Variants in WDR72 observed in about 807,000 individuals in gnomAD.
WDR72 encodes the protein WD repeat domain 72, also known as WD repeat-containing protein 72.
In WDR72, 120 loss-of-function variants were observed where a neutral mutation model predicts 124.2. The ratio of observed to expected loss-of-function variants is 0.97; its 90% CI spans 0.83 to 1.12. The LOEUF is 1.12. WDR72 is among the 50% of genes most tolerant of loss of function. The pLI, the probability that WDR72 is intolerant of heterozygous loss-of-function variation, is 0.00. For synonymous variants in WDR72, 452 were observed against 441.7 expected (o/e 1.02, Z -0.29); for missense variants, 1,387 against 1,278.8 (o/e 1.08, Z -1.29).
Position 53,540,282 on chromosome 15 carries a change from G to A in WDR72, c.3149-16960C>T, listed in dbSNP as rs140007561. The stretch of plus-strand genomic sequence containing the variant: ...GTAGATGTAATAATCAAACTCTAAT[G>A]CCAATAGTAGACAGTACACCTTGTA... On this transcript the variant is annotated intron_variant, in intron 18 of 19. Coordinates refer to ENST00000360509, the MANE Select transcript of WDR72 (RefSeq NM_182758.4). 2.6e-3 allele frequency among the ~76,000 whole-genome samples: 398 copies of A among 152,258 alleles called. 5 individuals are homozygous for A. Among genetic ancestry groups the A allele is most frequent in the African/African-American group, 8.5e-3 (354 of 41,548 alleles).
At chr15:53,614,704 C>T (rs2013684550) in intron 15 of WDR72, among the ~76,000 whole-genome samples, 1 of 151,874 alleles carries the variant, frequency 6.6e-6, no homozygotes, top group Admixed American at 6.6e-5. Flanking sequence ...CATGATTAGA[C>T]CAATAAATCA....
chr15:53,567,688 AC>A (rs1486456836), intron 18 of WDR72, among the ~76,000 whole-genome samples: 5 of 152,024 alleles, frequency 3.3e-5, no homozygotes, highest in African/African-American at 9.6e-5. Context: ...GAATCTAAAC[AC>A]CTTTTTTATG....
At position 53,705,327 on chromosome 15, in the gene WDR72, T is replaced by C. The variant is rs575537237; in HGVS notation, c.1103-94A>G. The C allele has an allele frequency of 1.1e-4, 123 of 1,117,720 alleles. 1 individual carries two copies. In the African/African-American group the frequency reaches 1.5e-3, roughly 14 times the overall value. 69.2% of individuals were successfully genotyped at this position (1,117,720 alleles called of 1,614,324 possible). ...GGCACCCTCCCTTCAAAAATATGAA[T>C]ACAGTGTTACAGCCTATCCCAGATT... On this transcript the variant is annotated intron_variant, in intron 10 of 19. Transcript: ENST00000360509.
intron 13 of WDR72, among the ~76,000 whole-genome samples, chr15:53,668,896 C>A (rs1595833855): frequency 8.3e-6 from 1 of 119,792 alleles, no homozygotes; most frequent in Non-Finnish European, 1.7e-5. Context: ...CAAGGTGAGA[C>A]CTCGTCTCAA....
At chr15:53,567,389 T>C (rs891644299) in intron 18 of WDR72, among the ~76,000 whole-genome samples, 1 of 151,716 alleles carries the variant, frequency 6.6e-6, no homozygotes, top group Non-Finnish European at 1.5e-5. Flanking sequence ...CTCAAGAAGC[T>C]CCAACAGGCC....
At chr15:53,612,617 A>T (rs1030915794) in intron 16 of WDR72, among the ~76,000 whole-genome samples, 1 of 152,068 alleles carries the variant, frequency 6.6e-6, no homozygotes, top group East Asian at 1.9e-4. Flanking sequence ...GTGAGCACTA[A>T]GAGAGAAGGT....
chr15:53,522,050 G>C (rs1213480128), intron 19 of WDR72, among the ~76,000 whole-genome samples: 5 of 151,976 alleles, frequency 3.3e-5, no homozygotes, highest in African/African-American at 9.7e-5. Flanking sequence ...GTGTGGTTGA[G>C]AACAGGCACA....
At chr15:53,558,531 G>C (rs756808980) in intron 18 of WDR72, among the ~76,000 whole-genome samples, 9 of 151,956 alleles carry the variant, frequency 5.9e-5, no homozygotes, top group Non-Finnish European at 1.3e-4. Context: ...ATGGCTTAGG[G>C]GTGGAGTGAA....
At chr15:53,727,360 T>C (rs2018072269) in intron 2 of WDR72, among the ~76,000 whole-genome samples, 1 of 152,190 alleles carries the variant, frequency 6.6e-6, no homozygotes, top group South Asian at 2.1e-4. Context: ...ATGTAGATGG[T>C]AACTCAGCCA....
chr15:53,737,866 C>A (rs1042743199), intron 1 of WDR72, among the ~76,000 whole-genome samples: 1 of 151,912 alleles, frequency 6.6e-6, no homozygotes, highest in Non-Finnish European at 1.5e-5. Flanking sequence ...TCAATGAGAC[C>A]ACGCATACAA....
chr15:53,523,319 G>A lies in WDR72; in HGVS notation c.3152C>T (p.Pro1051Leu). The A allele has an allele frequency of 1.2e-6, 2 of 1,610,264 alleles. No homozygotes were observed. The highest frequency in any genetic ancestry group is 1.7e-6 in the Non-Finnish European group (2 of 1,178,714). ...GCTGTCATGCTTGACCGGGCTGACTGGAGCTATTAAAAGAGAGAGAGAGAG... is the reference window on the plus strand; with the variant it reads ...GCTGTCATGCTTGACCGGGCTGACTAGAGCTATTAAAAGAGAGAGAGAGAG... The part of the protein sequence containing the change: ...CVRNTLPLQT[P>L]VSPVKHDSNS... Residue 1051 changes from proline (P) to leucine (L), a missense_variant, in exon 19 of 20, where the codon CCA becomes CTA. Coordinates refer to ENST00000360509, the MANE Select transcript of WDR72 (RefSeq NM_182758.4).
At chr15:53,709,608 A>AAT (rs2017477321) in intron 9 of WDR72, among the ~76,000 whole-genome samples, 1 of 152,222 alleles carries the variant, frequency 6.6e-6, no homozygotes, top group African/African-American at 2.4e-5. Flanking sequence ...TCCTTTAAAA[A>AAT]ATAACTGAAT....
At chr15:53,629,191 C>CGA (rs5812700) in intron 14 of WDR72, among the ~76,000 whole-genome samples, 38,926 of 135,494 alleles carry the variant, frequency 0.29, 5,403 homozygotes, top group East Asian at 0.47. Context: ...AGAGAGACAG[C>CGA]GAGAGAGAGA....
chr15:53,701,462 G>A (rs1006330152), intron 12 of WDR72, among the ~76,000 whole-genome samples: 4 of 151,740 alleles, frequency 2.6e-5, no homozygotes, highest in Non-Finnish European at 5.9e-5. Flanking sequence ...GATCCCTGGA[G>A]CCCAGGAGGT....
chr15:53,711,447 G>A lies in WDR72; in HGVS notation c.746C>T (p.Thr249Ile). The A allele has an allele frequency of 6.2e-7, 1 of 1,614,028 alleles. No homozygotes were observed. Among genetic ancestry groups the A allele is most frequent in the Non-Finnish European group, 8.5e-7 (1 of 1,180,018 alleles). The change falls in exon 8 of 20, where the codon ACT becomes ATT. Residue 249 changes from threonine to isoleucine, a missense_variant. By Grantham distance (89) the Thr-to-Ile change is moderately conservative. Transcript: ENST00000360509. ...YDYCDFSLLL[T>I]EVSRNGQFFA... The stretch of plus-strand genomic sequence containing the variant: ...GAACTGCCCATTTCTACTAACTTCA[G>A]TCAGCAGAAGGGAAAAATCACAATA...
intron 13 of WDR72, among the ~76,000 whole-genome samples, chr15:53,677,560 G>C (rs2016218694): frequency 6.6e-6 from 1 of 152,150 alleles, no homozygotes; most frequent in Non-Finnish European, 1.5e-5. Flanking sequence ...TCTTTCCTGT[G>C]CTGTTCTCAT....
At chr15:53,665,154 G>T (rs953169650) in intron 14 of WDR72, among the ~76,000 whole-genome samples, 4 of 151,708 alleles carry the variant, frequency 2.6e-5, no homozygotes, top group African/African-American at 9.7e-5. Context: ...TACAGATATT[G>T]GTTATATCAA....
intron 11 of WDR72, among the ~76,000 whole-genome samples, chr15:53,703,602 G>A (rs752515436): frequency 6.6e-6 from 1 of 151,888 alleles, no homozygotes; most frequent in Non-Finnish European, 1.5e-5. Context: ...GTAGCACTCT[G>A]CTTGGCACTT....
Position 53,699,815 on chromosome 15 carries a change from G to T in WDR72, c.1700C>A (p.Pro567Gln), listed in dbSNP as rs748071632. The T allele has an allele frequency of 1.9e-6, 3 of 1,613,858 alleles. No homozygotes were observed. In the African/African-American group the frequency reaches 4.0e-5, roughly 22 times the overall value. The change falls in exon 13 of 20, where the codon CCG becomes CAG. Residue 567 changes from proline to glutamine, a missense_variant. Pro to Gln is a moderately conservative substitution (Grantham distance 76). Coordinates refer to ENST00000360509, the MANE Select transcript of WDR72 (RefSeq NM_182758.4). ...LFPVRMIKWHPVENFLIVGCA... is the reference protein window; with the variant it reads ...LFPVRMIKWHQVENFLIVGCA... ...TCCAACAATTAAAAAATTCTCAACC[G>T]GGTGCCATTTTATCATCCTCACAGG...
Sources: gnomAD v4.1 joint callset for allele counts (sites outside exome capture counted in the v4.1 genomes callset) on GRCh38, gnomAD v4.1.1 for gene constraint, MANE v1.5 for transcripts, NCBI Gene and HGNC (gene_info 2026-07-23, HGNC 2026-07-21) for gene names.